The following SLC39A14 variants were observed in gnomAD, a reference collection of about 807,000 sequenced individuals.
SLC39A14 encodes metal cation symporter ZIP14.
A neutral mutation model predicts 45.5 loss-of-function variants in SLC39A14; 19 were observed. That is an observed-to-expected ratio of 0.42 (90% CI 0.29 to 0.61). The LOEUF (loss-of-function observed/expected upper bound fraction) is 0.61, where lower values mean the gene tolerates loss of function less well. Ranked by LOEUF, SLC39A14 falls within the 20% of genes least tolerant of loss-of-function variation. The pLI is 0.22. For synonymous variants in SLC39A14, 264 were observed against 251.3 expected (o/e 1.05, Z -0.48); for missense variants, 447 against 616.5 (o/e 0.73, Z 2.91).
At position 22,404,930 on chromosome 8, in the gene SLC39A14, G is replaced by T; in HGVS notation, c.220G>T (p.Gly74Cys). ...ALLNHLDVGV[G>C]RGNVTQHVQG... ...ACTCAACCACCTGGATGTGGGAGTG[G>T]GCCGGGGTAATGTCACCCAGCACGT... Residue 74 changes from glycine (G) to cysteine (C), a missense_variant, in exon 2 of 9, where the codon GGC (glycine) becomes TGC (cysteine). By Grantham distance (159) the Gly-to-Cys change is radical (BLOSUM62 -3). Transcript: ENST00000381237. 1 of 1,614,162 alleles carries T rather than the reference G, an allele frequency of 6.2e-7. No homozygotes were observed. Among genetic ancestry groups the T allele is most frequent in the Non-Finnish European group, 8.5e-7 (1 of 1,180,038 alleles).
At chr8:22,376,089 G>T (rs941601408) in intron 1 of SLC39A14, among the ~76,000 whole-genome samples, 2 of 152,164 alleles carry the variant, frequency 1.3e-5, no homozygotes, top group African/African-American at 4.8e-5. Flanking sequence ...ATCTGTGGCA[G>T]TCTCTCCCTC....
chr8:22,433,989 C>G lies in SLC39A14; in HGVS notation c.1431C>G (p.Ser477Arg), dbSNP rs766173716. ...GGTTGAAGCGATTATCCTGTCTAAGCCTCCCGAGTAACTGAGCCAGCCATG... is the reference window on the plus strand; with the variant it reads ...GGTTGAAGCGATTATCCTGTCTAAGGCTCCCGAGTAACTGAGCCAGCCATG... The change falls in exon 9 of 9, where the codon AGC becomes AGG. Residue 477 changes from serine to arginine, a missense_variant. By Grantham distance (110) the Ser-to-Arg change is moderately radical (BLOSUM62 -1). Coordinates refer to the SLC39A14 transcript ENST00000240095. 2 of 406,262 alleles carry G rather than the reference C, an allele frequency of 4.9e-6. 1 individual carries two copies. The highest frequency in any genetic ancestry group is 3.5e-5 in the South Asian group (2 of 57,170). The allele number at this position is 406,262 out of a possible 1,614,324, so 25.2% of individuals were successfully genotyped here.
chr8:22,400,103 A>G (rs1834770129), intron 1 of SLC39A14, among the ~76,000 whole-genome samples: 1 of 152,124 alleles, frequency 6.6e-6, no homozygotes, highest in African/African-American at 2.4e-5. Flanking sequence ...GACACGCAGG[A>G]CTTTGTGGAT....
In SLC39A14 at chr8:22,419,888, C is replaced by T; in HGVS notation, c.*190C>T. 7.7e-7 allele frequency: 1 copy of T among 1,307,100 alleles called. No individual in the cohort carries two copies. The allele number at this position is 1,307,100 out of a possible 1,614,324, so 81.0% of individuals were successfully genotyped here. A position where few individuals can be genotyped will look rare whatever the true frequency, so the allele number is the denominator to read the frequency against. On this transcript the variant is annotated 3_prime_UTR_variant, in exon 9 of 9. Transcript: ENST00000381237. Reference sequence around the variant, plus strand: ...TCCTAGGAATAAGCTGCCCTGGTAACCAGTCTCTAGCTAGTGCCTCTTGCC... The same window carrying T: ...TCCTAGGAATAAGCTGCCCTGGTAATCAGTCTCTAGCTAGTGCCTCTTGCC...
At chr8:22,425,023 C>T (rs1485311778), downstream of SLC39A14, among the ~76,000 whole-genome samples, 12 of 111,612 alleles carry the variant, frequency 1.1e-4, no homozygotes, top group Non-Finnish European at 1.7e-4. Context: ...AGTGAGACTC[C>T]GTCTCAAAAA....
At chr8:22,431,233 T>C (rs967999075) in intron 8 of SLC39A14, among the ~76,000 whole-genome samples, 1 of 151,512 alleles carries the variant, frequency 6.6e-6, no homozygotes, top group African/African-American at 2.4e-5. Flanking sequence ...ATGATCCACC[T>C]GCCTCAGCCT....
In SLC39A14 at chr8:22,410,132, A is replaced by G. The variant is rs746033511; in HGVS notation, c.457+1636A>G. ...ATCCCAGAGGTGCAGTAGAACAGAAACTTGCGCGTCCTCTTTCCCTGGGGC... is the reference window on the plus strand; with the variant it reads ...ATCCCAGAGGTGCAGTAGAACAGAAGCTTGCGCGTCCTCTTTCCCTGGGGC... On this transcript the variant is annotated intron_variant, in intron 3 of 8. Coordinates refer to ENST00000381237, the MANE Select transcript of SLC39A14 (RefSeq NM_001128431.4). 1.9e-6 allele frequency: 3 copies of G among 1,613,792 alleles called. No homozygotes were observed. The South Asian group carries it at 3.3e-5, about 18-fold the overall frequency.
chr8:22,385,204 C>T (rs371680693), intron 1 of SLC39A14, among the ~76,000 whole-genome samples: 1 of 152,302 alleles, frequency 6.6e-6, no homozygotes, highest in East Asian at 1.9e-4. Context: ...TGCCCTCTCC[C>T]CAAGGTTGCT....
chr8:22,386,446 T>C (rs1289470384), intron 1 of SLC39A14, among the ~76,000 whole-genome samples: 1 of 151,352 alleles, frequency 6.6e-6, no homozygotes, highest in Non-Finnish European at 1.5e-5. Context: ...TTTGTATTTT[T>C]AGTAGAGATG....
chr8:22,415,912 G>A lies in SLC39A14; in HGVS notation c.894G>A (p.Ala298=), dbSNP rs757409936. The change falls in exon 6 of 9, where the codon GCG becomes GCA. Residue 298 remains alanine, a synonymous_variant. Coordinates refer to ENST00000381237, the MANE Select transcript of SLC39A14 (RefSeq NM_001128431.4). ...QHCSSELDGK[A]PMVDEKVIVG... ...GCAGCAGTGAGCTGGACGGCAAGGC[G>A]CCCATGGTGGACGAGAAGGTCATTG... 7 of 1,608,948 alleles carry A rather than the reference G, an allele frequency of 4.4e-6. No homozygotes were observed. The highest frequency in any genetic ancestry group is 2.2e-5 in the East Asian group (1 of 44,802).
Position 22,416,290 on chromosome 8 carries a change from C to G in SLC39A14, c.1147+10C>G. 1 of 1,611,186 alleles carries G rather than the reference C, an allele frequency of 6.2e-7. No individual in the cohort carries two copies. Among genetic ancestry groups the G allele is most frequent in the Non-Finnish European group, 8.5e-7 (1 of 1,178,902 alleles). ...TTCCCACATGAGCTAGGTAAGCGTG[C>G]GTCCCCCGTTCCACTGGTGCTCCCT... On this transcript the variant is annotated intron_variant, in intron 7 of 8. Coordinates refer to ENST00000381237, the MANE Select transcript of SLC39A14 (RefSeq NM_001128431.4).
chr8:22,425,472 T>C (rs1374044320), downstream of SLC39A14, among the ~76,000 whole-genome samples: 1 of 152,008 alleles, frequency 6.6e-6, no homozygotes, highest in Non-Finnish European at 1.5e-5. Flanking sequence ...ACACTAAATG[T>C]GGACGTAGTG....
intron 7 of SLC39A14, among the ~76,000 whole-genome samples, chr8:22,417,149 G>C (rs1835934799): frequency 6.6e-6 from 1 of 152,182 alleles, no homozygotes; most frequent in East Asian, 1.9e-4. Flanking sequence ...TGTGACTTCG[G>C]GCAAATCACT....
Position 22,421,648 on chromosome 8 carries a change from C to T in SLC39A14, c.*1950C>T. The T allele has an allele frequency of 1.0e-6, 1 of 985,778 alleles. No individual in the cohort carries two copies. The highest frequency in any genetic ancestry group is 1.2e-6 in the Non-Finnish European group (1 of 829,884). The allele number at this position is 985,778 out of a possible 1,614,324, so 61.1% of individuals were successfully genotyped here. On this transcript the variant is annotated 3_prime_UTR_variant, in exon 9 of 9. Transcript: ENST00000381237. ...GCTTTCAGGAGCTAGCAGAAAATAA[C>T]TCAAAGTTGAAGACTCTGGAAGATT... is the stretch of plus-strand genomic sequence containing the variant.
intron 4 of SLC39A14, among the ~76,000 whole-genome samples, chr8:22,412,777 A>G (rs6996779): frequency 0.59 from 89,353 of 151,978 alleles, 28,101 homozygotes; most frequent in African/African-American, 0.82. Flanking sequence ...AACCCCGTCT[A>G]TACTAAAAAC....
At chr8:22,407,717 T>G (rs569545080) in intron 2 of SLC39A14, among the ~76,000 whole-genome samples, 1 of 151,550 alleles carries the variant, frequency 6.6e-6, no homozygotes, top group Admixed American at 6.6e-5. Flanking sequence ...CTTTTTTTTT[T>G]TTTTTAAGAG....
intron 1 of SLC39A14, among the ~76,000 whole-genome samples, chr8:22,393,948 C>T (rs1161128221): frequency 6.6e-6 from 1 of 151,940 alleles, no homozygotes; most frequent in African/African-American, 2.4e-5. Flanking sequence ...GCTGGGATTA[C>T]AGACATGGGC....
chr8:22,373,211 C>T (rs375870406), intron 1 of SLC39A14, among the ~76,000 whole-genome samples: 2 of 148,876 alleles, frequency 1.3e-5, no homozygotes, highest in South Asian at 2.1e-4. Context: ...TGCAGTGAGC[C>T]AAGATTACGC....
chr8:22,390,386 A>C (rs1412263217), intron 1 of SLC39A14: 1 of 150,722 alleles, frequency 6.6e-6, no homozygotes, highest in African/African-American at 2.4e-5. Context: ...GCCCACTGCA[A>C]CCTCCTCCTC....
Sources: allele counts gnomAD v4.1 joint callset (sites outside exome capture counted in the v4.1 genomes callset), GRCh38; gene constraint gnomAD v4.1.1; transcripts MANE v1.5; gene names NCBI Gene and HGNC (gene_info 2026-07-23, HGNC 2026-07-21).